Variants in FAXC observed in about 807,000 individuals in gnomAD.
FAXC encodes the protein failed axon connections homolog.
Under a neutral mutation model 41.9 loss-of-function variants are expected in FAXC, and 10 were observed. The ratio of observed to expected loss-of-function variants is 0.24; its 90% confidence interval spans 0.15 to 0.41. The LOEUF is 0.41. FAXC is among the 10% of genes least tolerant of loss of function. FAXC has a pLI of 1.00. For synonymous variants in FAXC, 183 were observed against 183.8 expected (o/e 1.00, Z 0.03); for missense variants, 399 against 510.9 (o/e 0.78, Z 2.11).
At position 99,345,865 on chromosome 6, in the gene FAXC, C is replaced by T. The variant is rs907064365; in HGVS notation, c.267-2832G>A. Among the ~76,000 whole-genome samples, 12 of 152,160 alleles carry T rather than the reference C, an allele frequency of 7.9e-5. 1 individual carries two copies. Among genetic ancestry groups the T allele is most frequent in the African/African-American group, 2.9e-4 (12 of 41,438 alleles). On this transcript the variant is annotated intron_variant, in intron 1 of 5. Coordinates refer to ENST00000389677, the MANE Select transcript of FAXC (RefSeq NM_032511.4). ...CCAAGCTATCTCCACTCAGGGAAAA[C>T]AAAGTAGTGTGTTGGAACAATATTT...
chr6:99,349,305 A>C lies in FAXC; in HGVS notation c.68T>G (p.Ile23Ser). The change falls in exon 1 of 6, where the codon ATC becomes AGC. Residue 23 changes from isoleucine (I) to serine (S), a missense_variant. Physicochemically the swap from Ile to Ser is moderately radical, Grantham distance 142. Coordinates refer to ENST00000389677, the MANE Select transcript of FAXC (RefSeq NM_032511.4). ...CVVDLSWNQS[I>S]SFFGWWAGSE... ...CCCGGCCCACCAGCCGAAGAAGGAG[A>C]TGCTCTGGTTCCAGCTCAGATCCAC... is the stretch of plus-strand genomic sequence containing the variant. 1 of 1,613,298 alleles carries C rather than the reference A, an allele frequency of 6.2e-7. No homozygotes were observed. Among genetic ancestry groups the C allele is most frequent in the South Asian group, 1.1e-5 (1 of 91,088 alleles).
chr6:99,328,638 G>A (rs540534131), intron 3 of FAXC, among the ~76,000 whole-genome samples: 4 of 152,100 alleles, frequency 2.6e-5, no homozygotes, highest in East Asian at 3.9e-4. Context: ...AACCTTTCCC[G>A]ACCACCAGCC....
intron 5 of FAXC, among the ~76,000 whole-genome samples, chr6:99,290,101 C>CA (rs1771176240): frequency 2.8e-5 from 4 of 142,578 alleles, no homozygotes; most frequent in Non-Finnish European, 4.5e-5. Context: ...CCCTACCCCA[C>CA]CACACACACA....
At chr6:99,292,077 T>C (rs1771269649) in intron 4 of FAXC, among the ~76,000 whole-genome samples, 1 of 151,984 alleles carries the variant, frequency 6.6e-6, no homozygotes, top group African/African-American at 2.4e-5. Flanking sequence ...AGGGCATTCA[T>C]GGAAAAAAGG....
chr6:99,308,593 AAG>A (rs1772027180), intron 4 of FAXC, among the ~76,000 whole-genome samples: 2 of 151,982 alleles, frequency 1.3e-5, no homozygotes, highest in East Asian at 3.9e-4. Context: ...CCAGACATGA[AAG>A]AGTCATCTAT....
At chr6:99,297,742 G>A (rs1451743636) in intron 4 of FAXC, among the ~76,000 whole-genome samples, 1 of 152,122 alleles carries the variant, frequency 6.6e-6, no homozygotes, top group Non-Finnish European at 1.5e-5. Context: ...ACATGCAGGT[G>A]CTCATCCTAT....
rs1770719129 is a variant in FAXC at position 99,278,778 on chromosome 6, T to C, written c.*2386A>G. On this transcript the variant is annotated 3_prime_UTR_variant, in exon 6 of 6. Transcript: ENST00000389677. Reference sequence around the variant, plus strand: ...GACTCCAGATAGCAATGTCCATTCATGCCCCTGTAAGAGGTACCTGGATGG... The same window carrying C: ...GACTCCAGATAGCAATGTCCATTCACGCCCCTGTAAGAGGTACCTGGATGG... 6.6e-6 allele frequency: 1 copy of C among 152,262 alleles called. No homozygotes were observed. 9.4% of individuals were successfully genotyped at this position (152,262 alleles called of 1,614,324 possible).
At chr6:99,334,230 C>T (rs1250233627) in intron 2 of FAXC, among the ~76,000 whole-genome samples, 1 of 152,160 alleles carries the variant, frequency 6.6e-6, no homozygotes, top group African/African-American at 2.4e-5. Context: ...TCTCTGCCTC[C>T]TGGTGTCTTG....
intron 5 of FAXC, among the ~76,000 whole-genome samples, chr6:99,290,255 A>G (rs375950958): frequency 6.6e-6 from 1 of 151,670 alleles, no homozygotes; most frequent in Non-Finnish European, 1.5e-5. Flanking sequence ...CCCCACACAT[A>G]TATGTTCATC....
At chr6:99,331,737 G>A (rs1018606465) in intron 3 of FAXC, among the ~76,000 whole-genome samples, 1 of 152,196 alleles carries the variant, frequency 6.6e-6, no homozygotes, top group African/African-American at 2.4e-5. Context: ...GGCCTCTGTC[G>A]AGGGAAGGAA....
intron 3 of FAXC, among the ~76,000 whole-genome samples, chr6:99,329,266 A>G (rs528325535): frequency 1.3e-5 from 2 of 152,360 alleles, no homozygotes; most frequent in African/African-American, 2.4e-5. Flanking sequence ...AGATTTTTTA[A>G]AAGACTATCT....
At chr6:99,290,360 C>CA (rs1405625961) in intron 5 of FAXC, among the ~76,000 whole-genome samples, 1 of 151,744 alleles carries the variant, frequency 6.6e-6, no homozygotes, top group Non-Finnish European at 1.5e-5. Flanking sequence ...ACACATTACA[C>CA]AAAAAAAGTA....
At chr6:99,317,290 A>C (rs1772395448) in intron 4 of FAXC, among the ~76,000 whole-genome samples, 1 of 152,192 alleles carries the variant, frequency 6.6e-6, no homozygotes, top group Non-Finnish European at 1.5e-5. Flanking sequence ...GCTGGGCAGC[A>C]AGCCTCCCGA....
Position 99,276,878 on chromosome 6 carries a change from C to T in FAXC, c.*4286G>A, listed in dbSNP as rs543196808. ...TCCTGACAAACAAAAAGTGAAAATT[C>T]ACTATTTAATGGTATGTGACTCACT... On this transcript the variant is annotated 3_prime_UTR_variant, in exon 6 of 6. Transcript: ENST00000389677. 1.3e-5 allele frequency: 2 copies of T among 152,332 alleles called. No homozygotes were observed. The highest frequency in any genetic ancestry group is 4.1e-4 in the South Asian group (2 of 4,828). The allele number at this position is 152,332 out of a possible 1,614,324, so 9.4% of individuals were successfully genotyped here.
At chr6:99,289,687 ATATGTGTG>A (rs537601664) in intron 5 of FAXC, among the ~76,000 whole-genome samples, 6,567 of 69,972 alleles carry the variant, frequency 0.094, 177 homozygotes, top group South Asian at 0.13. Flanking sequence ...GTACATATGT[ATATGTGTG>A]TGTGTGTGTG....
chr6:99,294,215 G>GA (rs1771374862), intron 4 of FAXC, among the ~76,000 whole-genome samples: 1 of 152,176 alleles, frequency 6.6e-6, no homozygotes, highest in Non-Finnish European at 1.5e-5. Context: ...GGAATCCAGA[G>GA]AAAGTACCAA....
chr6:99,339,750 T>C (rs551558686), intron 2 of FAXC, among the ~76,000 whole-genome samples: 1 of 151,078 alleles, frequency 6.6e-6, no homozygotes, highest in East Asian at 2.0e-4. Flanking sequence ...CAAAGGAAGC[T>C]CAGAGAGAGG....
At chr6:99,331,497 G>A (rs1415193085) in intron 3 of FAXC, among the ~76,000 whole-genome samples, 1 of 152,180 alleles carries the variant, frequency 6.6e-6, no homozygotes, top group East Asian at 1.9e-4. Context: ...TATGTAAAAT[G>A]ATATGTACGC....
intron 3 of FAXC, among the ~76,000 whole-genome samples, chr6:99,324,586 C>T (rs1772726176): frequency 6.6e-6 from 1 of 152,154 alleles, no homozygotes; most frequent in African/African-American, 2.4e-5. Flanking sequence ...TTCGGGTGCT[C>T]CTGAAAACAG....
Sources: gnomAD v4.1 joint callset for allele counts (sites outside exome capture counted in the v4.1 genomes callset) on GRCh38, gnomAD v4.1.1 for gene constraint, MANE v1.5 for transcripts, NCBI Gene and HGNC (gene_info 2026-07-23, HGNC 2026-07-21) for gene names.